Variants in NCKAP5 observed in about 807,000 individuals in gnomAD.
NCKAP5 encodes NCK associated protein 5.
A neutral mutation model predicts 167.0 loss-of-function variants in NCKAP5; 92 were observed. That is an observed-to-expected ratio of 0.55 (90% CI 0.47 to 0.66). The LOEUF (loss-of-function observed/expected upper bound fraction) is 0.66, where lower values mean the gene tolerates loss of function less well. NCKAP5 is among the 30% of genes least tolerant of loss of function. The probability of loss-of-function intolerance (pLI) is 0.00; values close to 1 mark genes in which losing one functional copy is unlikely to be tolerated. For missense variants in NCKAP5, 2,378 were observed against 2,315.0 expected (o/e 1.03, Z -0.56); for synonymous variants, 891 against 877.4 (o/e 1.02, Z -0.27).
chr2:133,417,863 C>A (rs567794077), intron 3 of NCKAP5, among the ~76,000 whole-genome samples: 3 of 152,124 alleles, frequency 2.0e-5, no homozygotes, highest in African/African-American at 7.2e-5. Flanking sequence ...GAAGAAAAGG[C>A]GTAGGAGAAA....
chr2:133,648,423 T>C, the NCKAP5 span, among the ~76,000 whole-genome samples: 1 of 152,230 alleles, frequency 6.6e-6, no homozygotes, highest in East Asian at 1.9e-4. Flanking sequence ...AACAGACATA[T>C]ACCAAATATT....
chr2:133,547,044 G>A (rs1008068945), intron 2 of NCKAP5, among the ~76,000 whole-genome samples: 2 of 152,194 alleles, frequency 1.3e-5, no homozygotes, highest in African/African-American at 2.4e-5. Context: ...GCTGAAGCAG[G>A]GCGAGGCATT....
intron 2 of NCKAP5, among the ~76,000 whole-genome samples, chr2:133,535,174 A>G (rs1486980460): frequency 2.6e-5 from 4 of 152,150 alleles, no homozygotes; most frequent in Non-Finnish European, 1.5e-5. Flanking sequence ...ATACATATGC[A>G]AGTTTTGTTT....
intron 4 of NCKAP5, among the ~76,000 whole-genome samples, chr2:133,258,998 T>C (rs1342731746): frequency 6.6e-6 from 1 of 152,100 alleles, no homozygotes; most frequent in Non-Finnish European, 1.5e-5. Context: ...GAAGTTCAAA[T>C]TCCTTAGCAT....
At chr2:133,203,015 T>C (rs567363393) in intron 5 of NCKAP5, among the ~76,000 whole-genome samples, 1 of 152,140 alleles carries the variant, frequency 6.6e-6, no homozygotes, top group East Asian at 1.9e-4. Context: ...AGAAACACCA[T>C]TTGACCCAGC....
intron 6 of NCKAP5, among the ~76,000 whole-genome samples, chr2:133,075,786 G>A (rs1283714236): frequency 2.6e-5 from 4 of 152,094 alleles, no homozygotes; most frequent in African/African-American, 9.7e-5. Flanking sequence ...AAGGGAAAGA[G>A]AGGAGAACAA....
At chr2:133,370,798 T>C (rs886138101) in intron 3 of NCKAP5, among the ~76,000 whole-genome samples, 8 of 151,674 alleles carry the variant, frequency 5.3e-5, no homozygotes, top group African/African-American at 1.9e-4. Flanking sequence ...CCCAAATATA[T>C]CCTATGTAAG....
chr2:132,845,683 T>C (rs1208823336), intron 11 of NCKAP5, among the ~76,000 whole-genome samples: 1 of 152,188 alleles, frequency 6.6e-6, no homozygotes, highest in Non-Finnish European at 1.5e-5. Context: ...TTATAGAATA[T>C]TTTGAAGTAC....
intron 4 of NCKAP5, among the ~76,000 whole-genome samples, chr2:133,299,660 A>G (rs1467236551): frequency 6.6e-6 from 1 of 152,158 alleles, no homozygotes; most frequent in African/African-American, 2.4e-5. Flanking sequence ...CTGAGGCAGG[A>G]GAACTGCTTG....
intron 6 of NCKAP5, among the ~76,000 whole-genome samples, chr2:133,043,528 A>T (rs1034495491): frequency 1.3e-5 from 2 of 152,194 alleles, no homozygotes; most frequent in African/African-American, 4.8e-5. Flanking sequence ...AGCTAAAAAA[A>T]ATTGCAAAAA....
chr2:133,634,734 T>C, the NCKAP5 span, among the ~76,000 whole-genome samples: 1 of 152,212 alleles, frequency 6.6e-6, no homozygotes, highest in African/African-American at 2.4e-5. Flanking sequence ...AACCATTAAA[T>C]TTGAATTTTA....
chr2:132,835,498 C>T (rs60043096), intron 11 of NCKAP5, among the ~76,000 whole-genome samples: 8,805 of 151,840 alleles, frequency 0.058, 379 homozygotes, highest in East Asian at 0.2. Flanking sequence ...ATAAAGCTTT[C>T]GCCATTTGTA....
At chr2:133,501,276 T>C (rs1157765413) in intron 3 of NCKAP5, among the ~76,000 whole-genome samples, 3 of 152,198 alleles carry the variant, frequency 2.0e-5, no homozygotes, top group African/African-American at 7.2e-5. Context: ...GCTGAGGACA[T>C]GGAATGATAA....
At chr2:133,382,139 TAA>T (rs1416622111) in intron 3 of NCKAP5, among the ~76,000 whole-genome samples, 2 of 152,232 alleles carry the variant, frequency 1.3e-5, no homozygotes, top group African/African-American at 4.8e-5. Context: ...GGCTGAAAGC[TAA>T]GAGTCATCCT....
intron 11 of NCKAP5, among the ~76,000 whole-genome samples, chr2:132,859,361 G>A (rs570882771): frequency 1.8e-4 from 27 of 151,894 alleles, no homozygotes; most frequent in Non-Finnish European, 3.5e-4. Flanking sequence ...AAATTCAGAG[G>A]GTAAATTAGC....
At chr2:133,481,890 T>C (rs1680480228) in intron 3 of NCKAP5, among the ~76,000 whole-genome samples, 2 of 152,214 alleles carry the variant, frequency 1.3e-5, no homozygotes, top group South Asian at 4.1e-4. Context: ...TTTTAAAGTA[T>C]AGTAACACTA....
intron 8 of NCKAP5, among the ~76,000 whole-genome samples, chr2:132,939,713 T>G (rs1697144765): frequency 6.6e-6 from 1 of 152,098 alleles, no homozygotes; most frequent in Non-Finnish European, 1.5e-5. Flanking sequence ...AATATTGTAG[T>G]TTTTGGCTGA....
At chr2:133,261,402 A>G in intron 4 of NCKAP5, among the ~76,000 whole-genome samples, 1 of 152,326 alleles carries the variant, frequency 6.6e-6, no homozygotes, top group South Asian at 2.1e-4. Context: ...AATAATTCTA[A>G]CATAACAGAG....
At chr2:132,862,105 G>C (rs966860129) in intron 10 of NCKAP5, among the ~76,000 whole-genome samples, 1 of 152,210 alleles carries the variant, frequency 6.6e-6, no homozygotes, top group Non-Finnish European at 1.5e-5. Context: ...TTAAGGCTCT[G>C]CAAGCAAGGG....
Sources: allele counts gnomAD v4.1 joint callset (sites outside exome capture counted in the v4.1 genomes callset), GRCh38; gene constraint gnomAD v4.1.1; transcripts MANE v1.5; gene names NCBI Gene and HGNC (gene_info 2026-07-23, HGNC 2026-07-21).